AMPH: variants seen among roughly 807,000 people sequenced by gnomAD.
AMPH encodes amphiphysin.
A neutral mutation model predicts 99.1 loss-of-function variants in AMPH; 49 were observed. That is an observed-to-expected ratio of 0.49 (90% CI 0.39 to 0.63). The LOEUF (loss-of-function observed/expected upper bound fraction) is 0.63. Among genes scored for constraint, AMPH ranks in the 20% least tolerant of loss-of-function variants. AMPH has a pLI of 0.00. For missense variants in AMPH, 759 were observed against 863.4 expected (o/e 0.88, Z 1.52); for synonymous variants, 314 against 317.3 (o/e 0.99, Z 0.11).
In AMPH at chr7:38,598,336, T is replaced by TGCAGTGGCATGATCTCAGC. The variant is rs1245461059; in HGVS notation, c.69+32928_69+32946dup. Among the ~76,000 whole-genome samples, 306 of 152,232 alleles carry TGCAGTGGCATGATCTCAGC rather than the reference T, an allele frequency of 2.0e-3. 2 individuals are homozygous for TGCAGTGGCATGATCTCAGC. Among genetic ancestry groups the TGCAGTGGCATGATCTCAGC allele is most frequent in the African/African-American group, 6.3e-3 (263 of 41,530 alleles). ...TCTTACTCTGTCACCTGGACTGGAG[T>TGCAGTGGCATGATCTCAGC]GCAGTGGCATGATCTCAGCGCAGTG... is the stretch of plus-strand genomic sequence containing the variant. On this transcript the variant is annotated intron_variant, in intron 1 of 20. Transcript: ENST00000356264.
At chr7:38,603,179 G>A (rs1476687482) in intron 1 of AMPH, among the ~76,000 whole-genome samples, 3 of 152,024 alleles carry the variant, frequency 2.0e-5, no homozygotes, top group Non-Finnish European at 2.9e-5. Context: ...AGCTGGGCAT[G>A]GTGGCATGCG....
chr7:38,561,750 C>A (rs989356514), intron 1 of AMPH, among the ~76,000 whole-genome samples: 2 of 152,100 alleles, frequency 1.3e-5, no homozygotes, highest in Non-Finnish European at 2.9e-5. Flanking sequence ...AGATGAGGTC[C>A]TTGGGATGAA....
intron 5 of AMPH, among the ~76,000 whole-genome samples, chr7:38,488,982 A>AG (rs1554345932): frequency 0.53 from 15,180 of 28,652 alleles, 1,179 homozygotes; most frequent in East Asian, 0.58. Context: ...TTTAACAGAA[A>AG]GTTTTTTTTA....
chr7:38,513,274 TAAATTA>T (rs1301480063), intron 2 of AMPH, among the ~76,000 whole-genome samples: 2 of 152,140 alleles, frequency 1.3e-5, no homozygotes, highest in Non-Finnish European at 2.9e-5. Context: ...CAACTATATC[TAAATTA>T]AACTAAGAAT....
chr7:38,396,427 G>C (rs1188509803), intron 17 of AMPH, among the ~76,000 whole-genome samples: 3 of 152,180 alleles, frequency 2.0e-5, no homozygotes, highest in Non-Finnish European at 1.5e-5. Flanking sequence ...GGCCTCCCCA[G>C]CTATGTGGAA....
intron 11 of AMPH, among the ~76,000 whole-genome samples, 190 bp from the exon 12 acceptor site, chr7:38,436,578 C>T (rs757804670): frequency 1.3e-5 from 2 of 152,188 alleles, no homozygotes; most frequent in African/African-American, 4.8e-5. Flanking sequence ...AAATAACTAA[C>T]TCTGGCCAAG....
chr7:38,448,021 C>G (rs1786857404), intron 11 of AMPH, among the ~76,000 whole-genome samples: 2 of 152,134 alleles, frequency 1.3e-5, no homozygotes, highest in African/African-American at 4.8e-5. Flanking sequence ...TCTTTAGGAA[C>G]AAGGCCAATC....
intron 7 of AMPH, among the ~76,000 whole-genome samples, chr7:38,468,569 T>C (rs572977537): frequency 2.6e-5 from 4 of 152,368 alleles, no homozygotes; most frequent in South Asian, 4.1e-4. Flanking sequence ...TGTTTTTTAA[T>C]TTAGAAATTA....
At chr7:38,453,912 C>T (rs1191502185) in intron 11 of AMPH, among the ~76,000 whole-genome samples, 1 of 152,202 alleles carries the variant, frequency 6.6e-6, no homozygotes, top group African/African-American at 2.4e-5. Flanking sequence ...TGGGCAGTAG[C>T]AAATGCAAAG....
At chr7:38,572,808 A>C (rs1324459170) in intron 1 of AMPH, among the ~76,000 whole-genome samples, 2 of 152,106 alleles carry the variant, frequency 1.3e-5, no homozygotes, top group African/African-American at 4.8e-5. Context: ...GCCAACCAAC[A>C]GGGAGTGTGG....
intron 1 of AMPH, among the ~76,000 whole-genome samples, chr7:38,610,378 G>GA (rs1793636103): frequency 1.5e-4 from 7 of 45,452 alleles, no homozygotes; most frequent in African/African-American, 4.5e-4. Context: ...GAAAAGAAAG[G>GA]AAAGGAAAAG....
At chr7:38,429,892 A>G in intron 13 of AMPH, 27 bp from the exon 14 acceptor site, 7 of 1,596,966 alleles carry the variant, frequency 4.4e-6, no homozygotes, top group African/African-American at 2.7e-5. Flanking sequence ...AATAGTAACA[A>G]TAAGGCGAGA....
chr7:38,440,270 G>A (rs1394701682), intron 11 of AMPH, among the ~76,000 whole-genome samples: 2 of 152,118 alleles, frequency 1.3e-5, no homozygotes, highest in East Asian at 1.9e-4. Context: ...AAGACAGTGA[G>A]GCAAAGTACT....
intron 11 of AMPH, among the ~76,000 whole-genome samples, chr7:38,440,803 T>A (rs1786477229): frequency 6.7e-6 from 1 of 150,194 alleles, no homozygotes; most frequent in African/African-American, 2.4e-5. Context: ...ATAAAGAAAA[T>A]TAAAGAGAAT....
chr7:38,419,767 A>G (rs1785518499), intron 16 of AMPH, among the ~76,000 whole-genome samples: 1 of 152,222 alleles, frequency 6.6e-6, no homozygotes, highest in South Asian at 2.1e-4. Flanking sequence ...GTTCACTGCA[A>G]ACTGAGTCTA....
intron 1 of AMPH, among the ~76,000 whole-genome samples, chr7:38,559,257 T>C (rs1446685771): frequency 6.6e-6 from 1 of 152,254 alleles, no homozygotes; most frequent in African/African-American, 2.4e-5. Flanking sequence ...CTCCTGATTA[T>C]GGCAACAGCA....
chr7:38,566,469 T>C (rs531259176), intron 1 of AMPH, among the ~76,000 whole-genome samples: 30 of 152,228 alleles, frequency 2.0e-4, no homozygotes, highest in Admixed American at 1.6e-3. Flanking sequence ...GGCAATACCA[T>C]TCAGGACATA....
intron 1 of AMPH, among the ~76,000 whole-genome samples, chr7:38,598,662 T>C (rs1231988396): frequency 1.3e-5 from 2 of 152,228 alleles, no homozygotes; most frequent in Non-Finnish European, 2.9e-5. Context: ...TTATATTTTA[T>C]AGGTTTATCA....
chr7:38,426,592 A>G (rs1785789560), intron 15 of AMPH, among the ~76,000 whole-genome samples: 1 of 152,236 alleles, frequency 6.6e-6, no homozygotes, highest in Non-Finnish European at 1.5e-5. Flanking sequence ...AGAACAGCTG[A>G]ATCCAGTGGA....
Sources: allele counts gnomAD v4.1 joint callset (sites outside exome capture counted in the v4.1 genomes callset), GRCh38; gene constraint gnomAD v4.1.1; transcripts MANE v1.5; gene names NCBI Gene and HGNC (gene_info 2026-07-23, HGNC 2026-07-21).